The following ACMSD variants were observed in gnomAD, a reference collection of about 807,000 sequenced individuals.
ACMSD encodes the protein 2-amino-3-carboxymuconate-6-semialdehyde decarboxylase.
In ACMSD, 37 loss-of-function variants were observed where a neutral mutation model predicts 45.9. That is an observed-to-expected ratio of 0.81 (90% CI 0.62 to 1.06). The LOEUF is 1.06. Among genes scored for constraint, ACMSD ranks in the 50% least tolerant of loss-of-function variants. The pLI is 0.00. For synonymous variants in ACMSD, 138 were observed against 148.8 expected, an observed-to-expected ratio of 0.93 and a Z score of 0.53; for missense variants, 434 against 420.9, an observed-to-expected ratio of 1.03 and a Z score of -0.27.
chr2:134,880,767 T>A (rs1198028262), intron 8 of ACMSD, among the ~76,000 whole-genome samples: 1 of 152,224 alleles, frequency 6.6e-6, no homozygotes, highest in East Asian at 1.9e-4. Flanking sequence ...TCCTCATGTG[T>A]CTATACTTTT....
In ACMSD at chr2:134,872,514, G is replaced by C. The variant is rs1284030683; in HGVS notation, c.722G>C (p.Ser241Thr). 1 of 1,614,054 alleles carries C rather than the reference G, an allele frequency of 6.2e-7. No individual in the cohort carries two copies. Among genetic ancestry groups the C allele is most frequent in the Non-Finnish European group, 8.5e-7 (1 of 1,180,038 alleles). The change falls in exon 8 of 10, where the codon AGC becomes ACC. Residue 241 changes from serine (S) to threonine (T), a missense_variant. Coordinates refer to ENST00000356140, the MANE Select transcript of ACMSD (RefSeq NM_138326.3). ...GTGGGAAGAATCTCCCATGGATTCA[G>C]CATGCGCCCAGATCTGTGTGCCCAG... is the stretch of plus-strand genomic sequence containing the variant. ...FTVGRISHGF[S>T]MRPDLCAQDN...
intron 2 of ACMSD, among the ~76,000 whole-genome samples, chr2:134,855,621 T>C (rs1313388751): frequency 6.6e-6 from 1 of 152,214 alleles, no homozygotes; most frequent in African/African-American, 2.4e-5. Flanking sequence ...AGCACATCAA[T>C]CTTGGTGTCC....
chr2:134,901,435 A>G (rs1057492124), intron 9 of ACMSD, among the ~76,000 whole-genome samples: 2 of 152,128 alleles, frequency 1.3e-5, no homozygotes, highest in Non-Finnish European at 2.9e-5. Flanking sequence ...ATGACTTTTG[A>G]GCACCTTTTG....
intron 4 of ACMSD, chr2:134,862,930 CAG>C: frequency 3.1e-6 from 3 of 980,466 alleles, no homozygotes; most frequent in South Asian, 9.4e-5. Flanking sequence ...ACAAGAAGGA[CAG>C]AGAGGAGGAC....
At chr2:134,846,043 G>A (rs1687039593) in intron 2 of ACMSD, among the ~76,000 whole-genome samples, 1 of 152,156 alleles carries the variant, frequency 6.6e-6, no homozygotes, top group Admixed American at 6.5e-5. Flanking sequence ...AGGTGCTAAG[G>A]GGCAGAGATT....
chr2:134,874,150 T>C (rs1688612288), intron 8 of ACMSD, among the ~76,000 whole-genome samples: 1 of 152,152 alleles, frequency 6.6e-6, no homozygotes, highest in Non-Finnish European at 1.5e-5. Flanking sequence ...TGTTAACCAG[T>C]GGATGGACTA....
At chr2:134,892,321 A>G (rs187379527) in intron 8 of ACMSD, among the ~76,000 whole-genome samples, 1 of 152,242 alleles carries the variant, frequency 6.6e-6, no homozygotes, top group Non-Finnish European at 1.5e-5. Context: ...TGGGAAAACT[A>G]AACTAGTAAA....
At chr2:134,898,196 T>C (rs1385745465) in intron 8 of ACMSD, 145 bp from the exon 9 acceptor site, 1 of 506,164 alleles carries the variant, frequency 2.0e-6, no homozygotes, top group African/African-American at 2.0e-5. Flanking sequence ...CTTTTTAAAA[T>C]TTTAGACAAG....
intron 1 of ACMSD, among the ~76,000 whole-genome samples, chr2:134,839,585 A>G (rs1238974809): frequency 6.6e-6 from 1 of 152,238 alleles, no homozygotes; most frequent in African/African-American, 2.4e-5. Flanking sequence ...AAATGAATTA[A>G]CCCAAACTTG....
intron 2 of ACMSD, among the ~76,000 whole-genome samples, chr2:134,858,594 A>G (rs1412248528): frequency 6.6e-6 from 1 of 152,224 alleles, no homozygotes; most frequent in Non-Finnish European, 1.5e-5. Context: ...CACAATGCAC[A>G]CATATATCAA....
At chr2:134,887,518 C>T (rs1252382207) in intron 8 of ACMSD, among the ~76,000 whole-genome samples, 2 of 152,184 alleles carry the variant, frequency 1.3e-5, no homozygotes, top group Non-Finnish European at 2.9e-5. Flanking sequence ...ATTCTCCTGC[C>T]TCAGCCTCCC....
intron 1 of ACMSD, among the ~76,000 whole-genome samples, chr2:134,840,432 T>TC (rs1186810946): frequency 2.6e-5 from 4 of 151,716 alleles, no homozygotes; most frequent in East Asian, 1.9e-4. Context: ...AATGTGTATG[T>TC]CCCCCCCAAA....
intron 2 of ACMSD, among the ~76,000 whole-genome samples, chr2:134,850,269 CTT>C (rs774889131): frequency 2.7e-5 from 3 of 110,562 alleles, no homozygotes; most frequent in African/African-American, 3.3e-5. Flanking sequence ...AAATAGATTT[CTT>C]TTTTTTTTTT....
At chr2:134,865,784 C>A (rs539020541) in intron 5 of ACMSD, among the ~76,000 whole-genome samples, 50 of 152,278 alleles carry the variant, frequency 3.3e-4, no homozygotes, top group African/African-American at 1.1e-3. Context: ...CATACATGCT[C>A]AGGTCAGTTT....
At chr2:134,840,103 A>C (rs753045269) in intron 1 of ACMSD, among the ~76,000 whole-genome samples, 3 of 146,206 alleles carry the variant, frequency 2.1e-5, no homozygotes, top group Non-Finnish European at 4.5e-5. Flanking sequence ...CCCTAATCTG[A>C]GAGTTTTAGA....
chr2:134,859,496 G>A, intron 3 of ACMSD, 139 bp downstream of exon 3: 1 of 712,876 alleles, frequency 1.4e-6, no homozygotes, highest in East Asian at 2.7e-5. Context: ...CTTCACTGTG[G>A]GAGGGACAGG....
chr2:134,881,565 T>C lies in ACMSD; in HGVS notation c.849+8924T>C, dbSNP rs1183775212. On this transcript the variant is annotated intron_variant, in intron 8 of 9. Coordinates refer to ENST00000356140, the MANE Select transcript of ACMSD (RefSeq NM_138326.3). Reference sequence around the variant, plus strand: ...ATCTTTCATATTCAGGACTACTCTATTCAAGGGGTTCTGAAGGGCAAGGGT... The same window carrying C: ...ATCTTTCATATTCAGGACTACTCTACTCAAGGGGTTCTGAAGGGCAAGGGT... Among the ~76,000 whole-genome samples, 3 of 152,152 alleles carry C rather than the reference T, an allele frequency of 2.0e-5. No individual in the cohort carries two copies. The East Asian group carries it at 5.8e-4, about 29-fold the overall frequency.
At chr2:134,877,723 TAG>T (rs1241836494) in intron 8 of ACMSD, 2 of 151,464 alleles carry the variant, frequency 1.3e-5, no homozygotes, top group Admixed American at 1.3e-4. Flanking sequence ...GAGAAAAAGA[TAG>T]AGAGAGATTG....
At chr2:134,880,812 G>A (rs753359629) in intron 8 of ACMSD, among the ~76,000 whole-genome samples, 2 of 152,074 alleles carry the variant, frequency 1.3e-5, no homozygotes, top group Non-Finnish European at 2.9e-5. Flanking sequence ...CTGACTCTTG[G>A]AGTTGTTAGG....
Sources: gnomAD v4.1 joint callset for allele counts (sites outside exome capture counted in the v4.1 genomes callset) on GRCh38, gnomAD v4.1.1 for gene constraint, MANE v1.5 for transcripts, NCBI Gene and HGNC (gene_info 2026-07-23, HGNC 2026-07-21) for gene names.